The following C4orf51 variants were observed in gnomAD, a reference collection of about 807,000 sequenced individuals.
C4orf51 encodes the protein uncharacterized protein C4orf51.
A neutral mutation model predicts 25.2 loss-of-function variants in C4orf51; 25 were observed. The observed-to-expected ratio is 0.99, with a 90% CI of 0.72 to 1.39. The LOEUF is 1.39. Ranked by LOEUF, C4orf51 falls within the 40% of genes most tolerant of loss-of-function variation. The pLI is 0.00. For missense variants in C4orf51, 252 were observed against 239.6 expected (o/e 1.05, Z -0.34); for synonymous variants, 100 against 84.5 (o/e 1.18, Z -1.01).
chr4:145,781,195 C>CAAAAAAAAAAAAAAAAAAAAGAAAAAAAA, the C4orf51 span, among the ~76,000 whole-genome samples: 1 of 56,546 alleles, frequency 1.8e-5, no homozygotes. Context: ...GACACCATCT[C>CAAAAAAAAAAAAAAAAAAAAGAAAAAAAA]AAAAAAAAAA....
intron 2 of C4orf51, among the ~76,000 whole-genome samples, chr4:145,705,170 A>G (rs920382908): frequency 6.6e-6 from 1 of 152,150 alleles, no homozygotes; most frequent in African/African-American, 2.4e-5. Context: ...GGAAGGCCAT[A>G]TACTAGTTAA....
At chr4:145,686,797 T>C (rs1208659120) in intron 1 of C4orf51, among the ~76,000 whole-genome samples, 2 of 152,220 alleles carry the variant, frequency 1.3e-5, no homozygotes, top group Non-Finnish European at 2.9e-5. Context: ...CAAGTCACTC[T>C]CCTTAGAAAT....
chr4:145,680,481 A>G, intron 1 of C4orf51, 45 bp downstream of exon 1: 1 of 1,389,112 alleles, frequency 7.2e-7, no homozygotes, highest in Non-Finnish European at 1.0e-6. Flanking sequence ...CACTATAAAT[A>G]GACAAGAGTG....
At chr4:145,713,617 G>A (rs2126731916) in intron 2 of C4orf51, among the ~76,000 whole-genome samples, 1 of 152,292 alleles carries the variant, frequency 6.6e-6, no homozygotes, top group Middle Eastern at 3.4e-3. Flanking sequence ...TCCTTGAAAT[G>A]GAATCTACTC....
chr4:145,787,230 C>T, the C4orf51 span, among the ~76,000 whole-genome samples: 1,731 of 152,180 alleles, frequency 0.011, 39 homozygotes, highest in African/African-American at 0.04. Context: ...TTTGGGAGGC[C>T]GAGGCGTGTG....
the C4orf51 span, among the ~76,000 whole-genome samples, chr4:145,789,979 A>C: frequency 7.2e-5 from 11 of 152,236 alleles, no homozygotes; most frequent in Non-Finnish European, 1.6e-4. Flanking sequence ...GAGCTGCTGC[A>C]TATGAAAAAT....
chr4:145,693,835 G>C (rs866682984), intron 1 of C4orf51, among the ~76,000 whole-genome samples: 1 of 1,554 alleles, frequency 6.4e-4, no homozygotes, highest in Admixed American at 3.4e-3. Context: ...TGGCCGGGCG[G>C]GGGGGCTGAC....
At chr4:145,700,616 A>T (rs1229308915) in intron 2 of C4orf51, among the ~76,000 whole-genome samples, 1 of 152,196 alleles carries the variant, frequency 6.6e-6, no homozygotes, top group African/African-American at 2.4e-5. Context: ...AAATGGTCTG[A>T]GGTGCCTGAC....
At chr4:145,704,625 G>A (rs549152271) in intron 2 of C4orf51, among the ~76,000 whole-genome samples, 1 of 152,212 alleles carries the variant, frequency 6.6e-6, no homozygotes, top group East Asian at 1.9e-4. Context: ...GATTGCTACA[G>A]TTTTCTAATA....
intron 2 of C4orf51, among the ~76,000 whole-genome samples, chr4:145,708,456 G>A (rs138005632): frequency 1.6e-3 from 243 of 152,306 alleles, no homozygotes; most frequent in African/African-American, 5.4e-3. Flanking sequence ...GGACAGAGGA[G>A]AAAAAAGTAA....
At chr4:145,740,933 G>T (rs2126793099) in intron 1 of C4orf51, among the ~76,000 whole-genome samples, 1 of 152,260 alleles carries the variant, frequency 6.6e-6, no homozygotes, top group African/African-American at 2.4e-5. Context: ...ATCTGATGAG[G>T]GTGATTTTTT....
At chr4:145,698,381 A>G (rs983343008) in intron 2 of C4orf51, among the ~76,000 whole-genome samples, 6 of 152,216 alleles carry the variant, frequency 3.9e-5, no homozygotes, top group African/African-American at 1.2e-4. Context: ...TAAGATGTAC[A>G]TTGGTTCAAT....
the C4orf51 span, among the ~76,000 whole-genome samples, chr4:145,776,702 G>A: frequency 1.3e-5 from 2 of 152,076 alleles, no homozygotes; most frequent in African/African-American, 4.8e-5. Flanking sequence ...GGACTACAGC[G>A]TAAAAGAGGC....
intron 5 of C4orf51, among the ~76,000 whole-genome samples, chr4:145,731,325 C>T (rs938677738): frequency 6.6e-6 from 1 of 152,106 alleles, no homozygotes; most frequent in South Asian, 2.1e-4. Context: ...TTCCCCAACC[C>T]CTCCCAGAAA....
chr4:145,779,971 A>T, the C4orf51 span, among the ~76,000 whole-genome samples: 14 of 152,202 alleles, frequency 9.2e-5, no homozygotes, highest in Admixed American at 4.6e-4. Flanking sequence ...CGAGTAGATC[A>T]CTTGAGCTCA....
chr4:145,686,204 A>C (rs949472769), intron 1 of C4orf51, among the ~76,000 whole-genome samples: 4 of 152,224 alleles, frequency 2.6e-5, no homozygotes, highest in Non-Finnish European at 5.9e-5. Context: ...GGCTAGGCAA[A>C]TCATACAGAC....
intron 2 of C4orf51, among the ~76,000 whole-genome samples, chr4:145,697,285 A>G (rs1264409164): frequency 6.6e-6 from 1 of 151,902 alleles, no homozygotes; most frequent in Admixed American, 6.6e-5. Context: ...TTTTTAGAAG[A>G]GATGGGATTT....
At chr4:145,775,774 C>A (rs375635922), downstream of C4orf51, 13 of 1,614,002 alleles carry the variant, frequency 8.1e-6, no homozygotes, top group South Asian at 1.2e-4. Context: ...CTAGCATGTT[C>A]CATCTGCAAC....
At chr4:145,775,716 C>T, downstream of C4orf51, 1 of 1,566,852 alleles carries the variant, frequency 6.4e-7, no homozygotes, top group Non-Finnish European at 8.7e-7. Flanking sequence ...TGTATGCCCA[C>T]AGCAGACAGG....
Sources: allele counts gnomAD v4.1 joint callset (sites outside exome capture counted in the v4.1 genomes callset), GRCh38; gene constraint gnomAD v4.1.1; transcripts MANE v1.5; gene names NCBI Gene and HGNC (gene_info 2026-07-23, HGNC 2026-07-21).